The following ITGA8 variants were observed in gnomAD, a reference collection of about 807,000 sequenced individuals.
The protein encoded by ITGA8 is integrin alpha-8.
ITGA8 carries 91 observed loss-of-function variants against 142.3 expected under a neutral mutation model. The ratio of observed to expected loss-of-function variants is 0.64; its 90% CI spans 0.54 to 0.76. ITGA8 has a LOEUF of 0.76. ITGA8 is among the 30% of genes least tolerant of loss of function. ITGA8 has a pLI of 0.00. For synonymous variants in ITGA8, 505 were observed against 485.2 expected, an observed-to-expected ratio of 1.04 and a Z score of -0.54; for missense variants, 1,406 against 1,327.7, an observed-to-expected ratio of 1.06 and a Z score of -0.92.
At chr10:15,577,714 T>G (rs913946212) in intron 23 of ITGA8, among the ~76,000 whole-genome samples, 5 of 152,006 alleles carry the variant, frequency 3.3e-5, no homozygotes, top group Non-Finnish European at 7.4e-5. Flanking sequence ...TCAAAGTAAA[T>G]TTTTTAGAAA....
chr10:15,622,741 A>T (rs1210247844), intron 13 of ITGA8, among the ~76,000 whole-genome samples: 1 of 152,238 alleles, frequency 6.6e-6, no homozygotes, highest in African/African-American at 2.4e-5. Flanking sequence ...AAAAAAAGTT[A>T]ACATTGATTA....
chr10:15,625,371 G>T (rs1023903234), intron 13 of ITGA8, among the ~76,000 whole-genome samples: 1 of 152,304 alleles, frequency 6.6e-6, no homozygotes, highest in African/African-American at 2.4e-5. Context: ...TCCTAAACTT[G>T]TTGTATTTCG....
intron 22 of ITGA8, among the ~76,000 whole-genome samples, chr10:15,588,734 TA>T (rs1219648794): frequency 5.9e-5 from 9 of 152,200 alleles, no homozygotes; most frequent in African/African-American, 1.9e-4. Context: ...GTGGTTTCAA[TA>T]ACACAGTTTT....
chr10:15,537,133 C>T (rs7914921), intron 27 of ITGA8, among the ~76,000 whole-genome samples: 2 of 152,072 alleles, frequency 1.3e-5, no homozygotes, highest in African/African-American at 2.4e-5. Context: ...TTTGCATGTT[C>T]GTTACATGGA....
intron 13 of ITGA8, among the ~76,000 whole-genome samples, chr10:15,636,690 A>G (rs905934565): frequency 6.6e-6 from 1 of 151,960 alleles, no homozygotes; most frequent in Non-Finnish European, 1.5e-5. Flanking sequence ...AGCCTTGTCT[A>G]TTTTTCATTT....
intron 27 of ITGA8, among the ~76,000 whole-genome samples, chr10:15,533,768 A>G (rs1833360073): frequency 6.6e-6 from 1 of 152,246 alleles, no homozygotes; most frequent in Non-Finnish European, 1.5e-5. Context: ...TTCCTAATGC[A>G]TCATAGACAG....
intron 25 of ITGA8, among the ~76,000 whole-genome samples, chr10:15,565,356 CT>C (rs1201997123): frequency 6.7e-6 from 1 of 150,000 alleles, no homozygotes; most frequent in African/African-American, 2.5e-5. Context: ...CAGCTAAGTT[CT>C]TTTTTGTTTT....
intron 25 of ITGA8, among the ~76,000 whole-genome samples, chr10:15,562,468 G>A (rs1588645946): frequency 6.6e-6 from 1 of 152,276 alleles, no homozygotes; most frequent in East Asian, 1.9e-4. Context: ...GCTTGTAAAA[G>A]CGTGTTTCAA....
chr10:15,673,230 C>T (rs988353275), intron 6 of ITGA8, among the ~76,000 whole-genome samples: 1 of 152,116 alleles, frequency 6.6e-6, no homozygotes, highest in Non-Finnish European at 1.5e-5. Flanking sequence ...TCTGCAGGCA[C>T]CTACCACCAC....
intron 15 of ITGA8, among the ~76,000 whole-genome samples, chr10:15,610,308 T>C (rs192971779): frequency 3.9e-4 from 59 of 152,298 alleles, no homozygotes; most frequent in African/African-American, 1.4e-3. Flanking sequence ...TACTATATTA[T>C]ATATAAGCAC....
At chr10:15,595,181 AT>A (rs1292444732) in intron 21 of ITGA8, among the ~76,000 whole-genome samples, 8 of 152,082 alleles carry the variant, frequency 5.3e-5, no homozygotes, top group Admixed American at 2.0e-4. Context: ...TATCTTGAAT[AT>A]TTTTTTTAAG....
rs1835502979 is a variant in ITGA8 at position 15,718,846 on chromosome 10, A to G, written c.263T>C (p.Val88Ala). ...PKANTSQPDIVEGGAVYYCPW... is the reference protein window; with the variant it reads ...PKANTSQPDIAEGGAVYYCPW... ...ACAGTAATAGACGGCTCCCCCTTCC[A>G]CGATATCGGGCTGGCTGGTGTTGGC... Residue 88 changes from valine (V) to alanine (A), a missense_variant, in exon 2 of 30, where the codon GTG becomes GCG. By Grantham distance (64) the Val-to-Ala change is moderately conservative. Transcript: ENST00000378076. The G allele has an allele frequency of 6.2e-7, 1 of 1,613,994 alleles. No individual in the cohort carries two copies. The highest frequency in any genetic ancestry group is 8.5e-7 in the Non-Finnish European group (1 of 1,179,976).
At chr10:15,699,666 A>C (rs1835124959) in intron 2 of ITGA8, among the ~76,000 whole-genome samples, 1 of 152,196 alleles carries the variant, frequency 6.6e-6, no homozygotes, top group Admixed American at 6.5e-5. Flanking sequence ...GCCTATGTAC[A>C]AGGGTTTCTC....
chr10:15,619,551 T>C (rs1201618472), intron 13 of ITGA8, among the ~76,000 whole-genome samples: 2 of 152,182 alleles, frequency 1.3e-5, no homozygotes, highest in Non-Finnish European at 2.9e-5. Context: ...TAAAACATTC[T>C]TTTGTAAGGG....
At position 15,687,933 on chromosome 10, in the gene ITGA8, C is replaced by G. The variant is rs1333946059; in HGVS notation, c.444+5G>C. ...CAGCAGCACAAGCCCACGGCTCATA[C>G]TCACCACAACTTTTCCTTTGTGAGC... is the stretch of plus-strand genomic sequence containing the variant. On this transcript the variant is annotated splice_donor_5th_base_variant and intron_variant, in intron 3 of 29. Transcript: ENST00000378076. The G allele has an allele frequency of 6.3e-7, 1 of 1,580,832 alleles. No homozygotes were observed. The highest frequency in any genetic ancestry group is 1.3e-5 in the African/African-American group (1 of 74,238).
At chr10:15,660,678 C>G (rs1288332189) in intron 9 of ITGA8, among the ~76,000 whole-genome samples, 1 of 152,088 alleles carries the variant, frequency 6.6e-6, no homozygotes, top group African/African-American at 2.4e-5. Context: ...AGGCTTTTGC[C>G]TAAGTGTGGG....
At chr10:15,682,830 G>C (rs1271997633) in intron 4 of ITGA8, among the ~76,000 whole-genome samples, 1 of 144,314 alleles carries the variant, frequency 6.9e-6, no homozygotes, top group Non-Finnish European at 1.5e-5. Flanking sequence ...CTCCAGCCTG[G>C]GTGACAGAGT....
chr10:15,709,345 G>A (rs1468704158), intron 2 of ITGA8, among the ~76,000 whole-genome samples: 1 of 152,178 alleles, frequency 6.6e-6, no homozygotes, highest in Admixed American at 6.5e-5. Flanking sequence ...TCTTTACTTA[G>A]TAAACAGACA....
intron 25 of ITGA8, among the ~76,000 whole-genome samples, chr10:15,568,574 G>A (rs528873506): frequency 1.3e-5 from 2 of 152,302 alleles, no homozygotes; most frequent in African/African-American, 4.8e-5. Flanking sequence ...GAGTTATGTT[G>A]TATTTGGAGT....
Sources: gnomAD v4.1 joint callset for allele counts (sites outside exome capture counted in the v4.1 genomes callset) on GRCh38, gnomAD v4.1.1 for gene constraint, MANE v1.5 for transcripts, NCBI Gene and HGNC (gene_info 2026-07-23, HGNC 2026-07-21) for gene names.